Variants in GMDS observed in about 807,000 individuals in gnomAD.
The protein encoded by GMDS is GDP-mannose 4,6-dehydratase, also known as GDP-mannose 4,6 dehydratase.
In GMDS, 20 loss-of-function variants were observed where a neutral mutation model predicts 49.9. The observed-to-expected ratio is 0.40, with a 90% CI of 0.28 to 0.58. GMDS has a LOEUF of 0.58. GMDS is among the 20% of genes least tolerant of loss of function. GMDS has a pLI of 0.42. For synonymous variants in GMDS, 177 were observed against 178.6 expected, an observed-to-expected ratio of 0.99 and a Z score of 0.07; for missense variants, 362 against 481.4, an observed-to-expected ratio of 0.75 and a Z score of 2.32.
chr6:1,968,948 T>C (rs1420413593), intron 4 of GMDS, among the ~76,000 whole-genome samples: 1 of 151,856 alleles, frequency 6.6e-6, no homozygotes, highest in African/African-American at 2.4e-5. Flanking sequence ...GAAAGCCACG[T>C]GAAGAGAAAG....
rs140518315 is a variant in GMDS at position 2,215,729 on chromosome 6, A to G, written c.102+29592T>C. Among the ~76,000 whole-genome samples, 950 of 152,284 alleles carry G rather than the reference A, an allele frequency of 6.2e-3. 3 individuals are homozygous for G. The highest frequency in any genetic ancestry group is 0.017 in the Middle Eastern group (5 of 294). On this transcript the variant is annotated intron_variant, in intron 1 of 10. Coordinates refer to ENST00000380815, the MANE Select transcript of GMDS (RefSeq NM_001500.4). ...GGTAATTAAAGACAGGCTAAGAGAC[A>G]TTGACCAATTTAATGTATCACCTTA...
chr6:2,014,882 G>GTA (rs1456403517), intron 4 of GMDS, among the ~76,000 whole-genome samples: 1 of 152,054 alleles, frequency 6.6e-6, no homozygotes, highest in Non-Finnish European at 1.5e-5. Context: ...ATGGATAAGT[G>GTA]TATATCATGC....
At chr6:2,070,297 T>G (rs1029118572) in intron 4 of GMDS, among the ~76,000 whole-genome samples, 1 of 144,538 alleles carries the variant, frequency 6.9e-6, no homozygotes, top group Non-Finnish European at 1.5e-5. Context: ...AGGGATAGCA[T>G]TGGGAGATAT....
At chr6:2,016,533 T>C (rs1767911752) in intron 4 of GMDS, among the ~76,000 whole-genome samples, 2 of 152,202 alleles carry the variant, frequency 1.3e-5, no homozygotes, top group South Asian at 2.1e-4. Flanking sequence ...TTATCAGTGA[T>C]TGCTGAAACT....
intron 4 of GMDS, among the ~76,000 whole-genome samples, chr6:2,007,000 A>G (rs1767226399): frequency 6.6e-6 from 1 of 152,270 alleles, no homozygotes; most frequent in African/African-American, 2.4e-5. Flanking sequence ...CCCTAGGAAT[A>G]GAGAAAAAGT....
intron 1 of GMDS, among the ~76,000 whole-genome samples, chr6:2,141,968 C>A (rs1293511103): frequency 6.6e-6 from 1 of 152,104 alleles, no homozygotes. Context: ...CTATAGCATA[C>A]ATTTTGGTTC....
chr6:2,200,405 C>A, intron 1 of GMDS, among the ~76,000 whole-genome samples: 1 of 149,916 alleles, frequency 6.7e-6, no homozygotes, highest in African/African-American at 2.5e-5. Context: ...GAAGACAGAA[C>A]ACCACATGGA....
At chr6:2,162,659 A>AACACACACACACACACAC (rs67198377) in intron 1 of GMDS, among the ~76,000 whole-genome samples, 1 of 135,728 alleles carries the variant, frequency 7.4e-6, no homozygotes, top group African/African-American at 2.6e-5. Context: ...ATAACATTCC[A>AACACACACACACACACAC]ACACACACAC....
intron 9 of GMDS, among the ~76,000 whole-genome samples, chr6:1,658,677 T>G (rs1763968530): frequency 6.6e-6 from 1 of 152,282 alleles, no homozygotes; most frequent in Non-Finnish European, 1.5e-5. Flanking sequence ...TTTGGAATTA[T>G]TTGTCTCAAA....
chr6:2,164,558 G>C (rs1236403821), intron 1 of GMDS, among the ~76,000 whole-genome samples: 1 of 152,214 alleles, frequency 6.6e-6, no homozygotes, highest in Non-Finnish European at 1.5e-5. Context: ...CACTGGCAAA[G>C]AGGACTCATC....
intron 7 of GMDS, among the ~76,000 whole-genome samples, chr6:1,899,552 AAG>A (rs569807932): frequency 8.1e-4 from 123 of 152,352 alleles, no homozygotes; most frequent in African/African-American, 2.9e-3. Flanking sequence ...GCAATGAACC[AAG>A]AGAGAAAGCC....
chr6:2,242,489 C>A (rs1466556522), intron 1 of GMDS, among the ~76,000 whole-genome samples: 1 of 152,196 alleles, frequency 6.6e-6, no homozygotes, highest in Non-Finnish European at 1.5e-5. Flanking sequence ...GACAGGACAC[C>A]CTGGCTGTCC....
chr6:2,211,204 C>T (rs866724288), intron 1 of GMDS, among the ~76,000 whole-genome samples: 1 of 152,128 alleles, frequency 6.6e-6, no homozygotes, highest in Non-Finnish European at 1.5e-5. Flanking sequence ...GGTTTGTTTA[C>T]TTCTGTCTTT....
intron 4 of GMDS, among the ~76,000 whole-genome samples, chr6:2,114,107 G>A (rs1386464533): frequency 6.6e-6 from 1 of 151,978 alleles, no homozygotes; most frequent in Admixed American, 6.5e-5. Context: ...GGAAAGGAAA[G>A]AATCAGCCCA....
chr6:1,774,602 A>G (rs1581165935), intron 7 of GMDS, among the ~76,000 whole-genome samples: 1 of 152,258 alleles, frequency 6.6e-6, no homozygotes, highest in East Asian at 1.9e-4. Flanking sequence ...AAGAATGCAC[A>G]CACTCGTCCT....
At chr6:1,624,397 C>A in intron 10 of GMDS, 75 bp downstream of exon 10, 1 of 1,413,930 alleles carries the variant, frequency 7.1e-7, no homozygotes, top group South Asian at 1.2e-5. Flanking sequence ...GCGCCTCAGG[C>A]GCCCGACCCT....
At chr6:2,010,040 C>T (rs897770390) in intron 4 of GMDS, among the ~76,000 whole-genome samples, 1 of 152,006 alleles carries the variant, frequency 6.6e-6, no homozygotes, top group African/African-American at 2.4e-5. Context: ...AAACACACAG[C>T]ACATCAGGCT....
chr6:1,725,435 AT>A (rs1027776100), intron 9 of GMDS, among the ~76,000 whole-genome samples: 101 of 146,834 alleles, frequency 6.9e-4, no homozygotes, highest in South Asian at 1.3e-3. Flanking sequence ...CTAGTGTAAG[AT>A]TTTTTTTTTT....
chr6:2,150,174 G>C (rs140177411), intron 1 of GMDS, among the ~76,000 whole-genome samples: 131 of 152,098 alleles, frequency 8.6e-4, no homozygotes, highest in Non-Finnish European at 1.5e-3. Context: ...TTTAGGAACA[G>C]GTATATACAG....
Sources: gnomAD v4.1 joint callset for allele counts (sites outside exome capture counted in the v4.1 genomes callset) on GRCh38, gnomAD v4.1.1 for gene constraint, MANE v1.5 for transcripts, NCBI Gene and HGNC (gene_info 2026-07-23, HGNC 2026-07-21) for gene names.